Variants in VIT observed in about 807,000 individuals in gnomAD.
VIT encodes vitrin.
VIT carries 99 observed loss-of-function variants against 78.0 expected under a neutral mutation model. That is an observed-to-expected ratio of 1.27 (90% CI 1.08 to 1.50). The LOEUF (loss-of-function observed/expected upper bound fraction) is 1.50. VIT is among the 40% of genes most tolerant of loss of function. The pLI is 0.00. For synonymous variants in VIT, 374 were observed against 334.3 expected, an observed-to-expected ratio of 1.12 and a Z score of -1.29; for missense variants, 1,126 against 875.3, an observed-to-expected ratio of 1.29 and a Z score of -3.61.
chr2:36,791,066 C>T (rs1420127460), intron 12 of VIT, among the ~76,000 whole-genome samples: 1 of 152,178 alleles, frequency 6.6e-6, no homozygotes, highest in Non-Finnish European at 1.5e-5. Flanking sequence ...CATAATTGCA[C>T]ACGTTCTTTG....
At chr2:36,758,768 A>C (rs76229446) in intron 5 of VIT, among the ~76,000 whole-genome samples, 2,880 of 152,302 alleles carry the variant, frequency 0.019, 66 homozygotes, top group Non-Finnish European at 0.021. Context: ...CTTCCATTCT[A>C]ATAGTAATAA....
chr2:36,799,805 T>G (rs1002692434), intron 12 of VIT, among the ~76,000 whole-genome samples: 10 of 152,286 alleles, frequency 6.6e-5, no homozygotes, highest in Non-Finnish European at 1.0e-4. Flanking sequence ...TCCGGCACTT[T>G]GGAAGGCCAA....
At chr2:36,708,352 T>G (rs187936549) in intron 1 of VIT, among the ~76,000 whole-genome samples, 1 of 152,196 alleles carries the variant, frequency 6.6e-6, no homozygotes, top group African/African-American at 2.4e-5. Flanking sequence ...TTCTACCTCA[T>G]GGACAAAGAG....
intron 14 of VIT, among the ~76,000 whole-genome samples, chr2:36,805,947 C>G (rs1192362016): frequency 6.6e-6 from 1 of 152,076 alleles, no homozygotes; most frequent in African/African-American, 2.4e-5. Context: ...CCCAGGCAGC[C>G]CAAGGAGCCT....
chr2:36,789,091 G>A (rs1273745080), intron 12 of VIT, among the ~76,000 whole-genome samples: 1 of 152,166 alleles, frequency 6.6e-6, no homozygotes, highest in Non-Finnish European at 1.5e-5. Flanking sequence ...GGAGCACTTA[G>A]GGAAATGTGT....
intron 3 of VIT, among the ~76,000 whole-genome samples, chr2:36,733,460 G>A (rs1667327638): frequency 6.6e-6 from 1 of 152,198 alleles, no homozygotes; most frequent in Non-Finnish European, 1.5e-5. Context: ...AAAGGAGCAT[G>A]GTCCTCAGAG....
rs1325435596 is a variant in VIT, at chr2:36,814,372, G to A, written c.*11G>A. The A allele has an allele frequency of 1.2e-6, 2 of 1,613,580 alleles. No homozygotes were observed. Among genetic ancestry groups the A allele is most frequent in the Admixed American group, 3.3e-5 (2 of 60,026 alleles). ...CAGCCTCGGAACTGAATTCAGAGCA[G>A]GCAGAGCACCAGCAAGTGCTGCTTT... On this transcript the variant is annotated 3_prime_UTR_variant, in exon 16 of 16. Transcript: ENST00000379242.
At chr2:36,701,446 C>T (rs1407206639) in intron 1 of VIT, among the ~76,000 whole-genome samples, 1 of 152,144 alleles carries the variant, frequency 6.6e-6, no homozygotes. Flanking sequence ...AATCACTTTC[C>T]CTGATAAGGG....
At chr2:36,787,478 A>G (rs1381262330) in intron 12 of VIT, among the ~76,000 whole-genome samples, 1 of 152,224 alleles carries the variant, frequency 6.6e-6, no homozygotes, top group Non-Finnish European at 1.5e-5. Context: ...GAAGGAAGGG[A>G]CAGATTAAAA....
intron 3 of VIT, 121 bp from the exon 4 acceptor site, chr2:36,742,979 T>C (rs1667923615): frequency 8.1e-6 from 10 of 1,230,004 alleles, no homozygotes; most frequent in Middle Eastern, 2.1e-4. Context: ...AGGGAGGGGA[T>C]GTAGAGTCGG....
Position 36,766,976 on chromosome 2 carries a change from G to A in VIT, c.488-118G>A, listed in dbSNP as rs533495930. 30 of 1,181,546 alleles carry A rather than the reference G, an allele frequency of 2.5e-5. 1 individual carries two copies. The South Asian group carries it at 3.9e-4, about 15-fold the overall frequency. The allele number at this position is 1,181,546 out of a possible 1,614,324, so 73.2% of individuals were successfully genotyped here. On this transcript the variant is annotated intron_variant, in intron 6 of 15. Transcript: ENST00000379242. ...TGTTACCTGGGTTTCACCCTTCACCGTGGCTAGCACAGCTCTGTGCTCATA... is the reference window on the plus strand; with the variant it reads ...TGTTACCTGGGTTTCACCCTTCACCATGGCTAGCACAGCTCTGTGCTCATA...
intron 12 of VIT, among the ~76,000 whole-genome samples, chr2:36,799,943 G>A (rs929540234): frequency 9.2e-5 from 14 of 151,830 alleles, no homozygotes; most frequent in Admixed American, 8.5e-4. Context: ...AGCTACTTGG[G>A]AGACTGAGGC....
At chr2:36,789,482 G>A (rs916128650) in intron 12 of VIT, among the ~76,000 whole-genome samples, 1 of 152,170 alleles carries the variant, frequency 6.6e-6, no homozygotes, top group Non-Finnish European at 1.5e-5. Context: ...GTTGCACAGC[G>A]GTGATACAAC....
At chr2:36,752,205 C>G (rs1171962667) in intron 4 of VIT, among the ~76,000 whole-genome samples, 1 of 152,142 alleles carries the variant, frequency 6.6e-6, no homozygotes, top group Non-Finnish European at 1.5e-5. Flanking sequence ...CAGGCTTATC[C>G]TAAACTAACT....
chr2:36,758,137 C>G (rs973363246), intron 5 of VIT, among the ~76,000 whole-genome samples: 7 of 152,160 alleles, frequency 4.6e-5, no homozygotes, highest in Non-Finnish European at 7.3e-5. Context: ...GTACCCCTAC[C>G]AAGGTATTTT....
intron 9 of VIT, among the ~76,000 whole-genome samples, chr2:36,776,822 G>A (rs1230551303): frequency 6.6e-6 from 1 of 151,628 alleles, no homozygotes; most frequent in Non-Finnish European, 1.5e-5. Flanking sequence ...CTGGCGCGGT[G>A]GCTCACACCT....
At chr2:36,796,517 C>T (rs1665914677) in intron 12 of VIT, among the ~76,000 whole-genome samples, 1 of 152,062 alleles carries the variant, frequency 6.6e-6, no homozygotes, top group Non-Finnish European at 1.5e-5. Context: ...TCGACAATTG[C>T]TCTATAAAGT....
chr2:36,753,655 T>A (rs1011174920), intron 4 of VIT, among the ~76,000 whole-genome samples: 1 of 152,152 alleles, frequency 6.6e-6, no homozygotes, highest in Non-Finnish European at 1.5e-5. Flanking sequence ...ACAGGCCTGG[T>A]CAGGCAGAGG....
chr2:36,785,403 GA>G (rs201304788), intron 11 of VIT, among the ~76,000 whole-genome samples: 7 of 149,176 alleles, frequency 4.7e-5, no homozygotes, highest in South Asian at 2.1e-4. Context: ...AGCCCCGCCA[GA>G]AAAAAAAAAT....
Sources: allele counts gnomAD v4.1 joint callset (sites outside exome capture counted in the v4.1 genomes callset), GRCh38; gene constraint gnomAD v4.1.1; transcripts MANE v1.5; gene names NCBI Gene and HGNC (gene_info 2026-07-23, HGNC 2026-07-21).